The following NAA16 variants were observed in gnomAD, a reference collection of about 807,000 sequenced individuals.
NAA16 encodes the protein N-alpha-acetyltransferase 16, NatA auxiliary subunit, also known as NARG1-like protein.
A neutral mutation model predicts 110.3 loss-of-function variants in NAA16; 97 were observed. The ratio of observed to expected loss-of-function variants is 0.88; its 90% confidence interval spans 0.75 to 1.04. The LOEUF (loss-of-function observed/expected upper bound fraction) is 1.04. Among genes scored for constraint, NAA16 ranks in the 50% least tolerant of loss-of-function variants. The pLI, the probability that NAA16 is intolerant of heterozygous loss-of-function variation, is 0.00. For missense variants in NAA16, 1,017 were observed against 1,005.1 expected, an observed-to-expected ratio of 1.01 and a Z score of -0.16; for synonymous variants, 372 against 330.6, an observed-to-expected ratio of 1.13 and a Z score of -1.36.
At chr13:41,372,013 TTC>T (rs942555291) in intron 15 of NAA16, among the ~76,000 whole-genome samples, 188 bp from the exon 16 acceptor site, 1 of 152,206 alleles carries the variant, frequency 6.6e-6, no homozygotes, top group African/African-American at 2.4e-5. Context: ...AAAAAGCTAT[TTC>T]TGTTTTGAAA....
chr13:41,364,746 T>C (rs971825993), intron 13 of NAA16, among the ~76,000 whole-genome samples: 1 of 152,222 alleles, frequency 6.6e-6, no homozygotes, highest in African/African-American at 2.4e-5. Context: ...CTTTATCTTC[T>C]ATTGTATCTT....
intron 13 of NAA16, among the ~76,000 whole-genome samples, chr13:41,363,540 A>T (rs1409660309): frequency 6.6e-6 from 1 of 152,200 alleles, no homozygotes; most frequent in Non-Finnish European, 1.5e-5. Context: ...AGAATATGAT[A>T]AGTGGATCTT....
intron 11 of NAA16, 167 bp from the exon 12 acceptor site, chr13:41,358,643 T>C: frequency 2.1e-6 from 3 of 1,435,858 alleles, no homozygotes; most frequent in Non-Finnish European, 2.7e-6. Context: ...TAATTAGATG[T>C]GTAATCATTT....
chr13:41,357,863 A>G (rs770642954), intron 10 of NAA16, among the ~76,000 whole-genome samples: 1 of 152,134 alleles, frequency 6.6e-6, no homozygotes, highest in East Asian at 1.9e-4. Flanking sequence ...AACTTTGGGT[A>G]TCCCTGATTT....
Position 41,375,394 on chromosome 13 carries a change from T to C in NAA16, c.2398-11T>C, listed in dbSNP as rs2043409488. On this transcript the variant is annotated splice_polypyrimidine_tract_variant and intron_variant, in intron 19 of 19. Coordinates refer to ENST00000379406, the MANE Select transcript of NAA16 (RefSeq NM_024561.5). The stretch of plus-strand genomic sequence containing the variant: ...TTTTAAATAATTTGTGTTTTCCTTT[T>C]GTTTCACTAGACATTAATAAAGGTT... 2 of 1,587,726 alleles carry C rather than the reference T, an allele frequency of 1.3e-6. No individual in the cohort carries two copies. The highest frequency in any genetic ancestry group is 1.7e-6 in the Non-Finnish European group (2 of 1,162,634).
rs553261885 is a variant in NAA16 at position 41,320,850 on chromosome 13, A to T, written c.402+26A>T. 3 of 1,561,874 alleles carry T rather than the reference A, an allele frequency of 1.9e-6. No homozygotes were observed. The South Asian group carries it at 3.6e-5, about 19-fold the overall frequency. On this transcript the variant is annotated intron_variant, in intron 4 of 19. Transcript: ENST00000379406. ...GTAAGTACTTCATTCTTAAATGTACATGATTTTACAGTAGACAAAATTTAA... is the reference window on the plus strand; with the variant it reads ...GTAAGTACTTCATTCTTAAATGTACTTGATTTTACAGTAGACAAAATTTAA...
chr13:41,329,004 T>C (rs1196199466), intron 7 of NAA16, among the ~76,000 whole-genome samples, 161 bp downstream of exon 7: 1 of 152,030 alleles, frequency 6.6e-6, no homozygotes, highest in Non-Finnish European at 1.5e-5. Context: ...TGAATTCAAA[T>C]AGTTACACTT....
At chr13:41,351,777 TG>T (rs59247901) in intron 9 of NAA16, among the ~76,000 whole-genome samples, 144,247 of 152,272 alleles carry the variant, frequency 0.95, 68,392 homozygotes, top group South Asian at 0.99. Context: ...AAGAAAAATG[TG>T]GGGCCATAAA....
At chr13:41,325,115 G>C (rs572050343) in intron 5 of NAA16, among the ~76,000 whole-genome samples, 6 of 151,760 alleles carry the variant, frequency 4.0e-5, no homozygotes, top group Admixed American at 2.6e-4. Flanking sequence ...GTGCCACCAC[G>C]CCAGGCTAAT....
intron 4 of NAA16, 35 bp from the exon 5 acceptor site, chr13:41,323,021 A>G (rs1441016636): frequency 6.3e-7 from 1 of 1,588,242 alleles, no homozygotes; most frequent in Non-Finnish European, 8.6e-7. Flanking sequence ...ATAATGTTTT[A>G]GAGAATATTT....
Position 41,358,350 on chromosome 13 carries a change from T to C in NAA16, c.1134T>C (p.Tyr378=), listed in dbSNP as rs756581903. Residue 378 remains tyrosine, a synonymous_variant, in exon 11 of 20, where the codon TAT becomes TAC. Transcript: ENST00000379406. ...EPPTTLLWVQ[Y]FLAQHFDKLG... ...CGACAACACTACTCTGGGTTCAGTA[T>C]TTCCTGGCACAGCACTTTGATAAAC... 4.3e-5 allele frequency: 69 copies of C among 1,613,954 alleles called. No homozygotes were observed. The highest frequency in any genetic ancestry group is 1.6e-4 in the Middle Eastern group (1 of 6,082).
intron 10 of NAA16, among the ~76,000 whole-genome samples, chr13:41,358,056 C>T (rs375046089): frequency 1.3e-5 from 2 of 152,106 alleles, no homozygotes; most frequent in Non-Finnish European, 2.9e-5. Context: ...TATCTTTTCC[C>T]CAGCATTGTT....
rs2043235602 is a variant in NAA16, at chr13:41,367,720, A to G, written c.1753+68A>G. The stretch of plus-strand genomic sequence containing the variant: ...TTTCAGAATGCCATTAGCGTAAACA[A>G]TACCTAGAAAAATATTAATATATTG... On this transcript the variant is annotated intron_variant, in intron 14 of 19. Coordinates refer to ENST00000379406, the MANE Select transcript of NAA16 (RefSeq NM_024561.5). 12 of 991,278 alleles carry G rather than the reference A, an allele frequency of 1.2e-5. No homozygotes were observed. In the South Asian group the frequency reaches 1.6e-4, roughly 13 times the overall value. The allele number at this position is 991,278 out of a possible 1,614,324, so 61.4% of individuals were successfully genotyped here. A position where few individuals can be genotyped will look rare whatever the true frequency, so the allele number is the denominator to read the frequency against.
chr13:41,359,175 A>G (rs1365700963), intron 12 of NAA16, among the ~76,000 whole-genome samples: 2 of 152,200 alleles, frequency 1.3e-5, no homozygotes, highest in Non-Finnish European at 2.9e-5. Flanking sequence ...GGGGATGGTT[A>G]AAAAACAATA....
Position 41,320,794 on chromosome 13 carries a change from G to A in NAA16, c.372G>A (p.Gln124=). 1.9e-6 allele frequency: 3 copies of A among 1,611,094 alleles called. No homozygotes were observed. The highest frequency in any genetic ancestry group is 2.5e-6 in the Non-Finnish European group (3 of 1,179,240). Residue 124 remains glutamine, a synonymous_variant, in exon 4 of 20, where the codon CAG becomes CAA. Transcript: ENST00000379406. ...LQILRDLSLL[Q]IQMRDLEGYR... ...TTTTGAGGGATCTCTCACTGTTGCA[G>A]ATCCAAATGAGAGACCTTGAAGGTT...
chr13:41,326,731 T>C (rs1426090718), intron 6 of NAA16, among the ~76,000 whole-genome samples: 1 of 152,064 alleles, frequency 6.6e-6, no homozygotes, highest in Non-Finnish European at 1.5e-5. Context: ...AAAATAGACA[T>C]TTTCAGGACA....
chr13:41,320,675 G>GTA lies in NAA16; in HGVS notation c.257_258dup (p.Gly87MetfsTer15). On this transcript the variant is annotated frameshift_variant, in exon 4 of 20. Coordinates refer to ENST00000379406, the MANE Select transcript of NAA16 (RefSeq NM_024561.5). LOFTEE classifies it high-confidence loss of function. The stretch of plus-strand genomic sequence containing the variant: ...TTTCCTTAACTTAATAGGTTGGCAT[G>GTA]TATATGGACTCTTGCAGCGTTCTGA... 6.2e-7 allele frequency: 1 copy of GTA among 1,607,358 alleles called. No individual in the cohort carries two copies. Among genetic ancestry groups the GTA allele is most frequent in the Non-Finnish European group, 8.5e-7 (1 of 1,177,972 alleles).
At position 41,367,468 on chromosome 13, in the gene NAA16, C is replaced by G. The variant is rs770655052; in HGVS notation, c.1569C>G (p.Phe523Leu). 2 of 1,599,468 alleles carry G rather than the reference C, an allele frequency of 1.3e-6. No homozygotes were observed. The highest frequency in any genetic ancestry group is 1.7e-6 in the Non-Finnish European group (2 of 1,171,512). Residue 523 changes from phenylalanine to leucine, a missense_variant, in exon 14 of 20, where the codon TTC (phenylalanine) becomes TTG (leucine). Transcript: ENST00000379406. Reference protein sequence around the residue: ...RHFFEITDDQFDFHTYCMRKM... With the variant: ...RHFFEITDDQLDFHTYCMRKM... Reference sequence around the variant, plus strand: ...TTTTTGAGATAACTGATGACCAATTCGACTTCCATACATACTGCATGAGAA... The same window carrying G: ...TTTTTGAGATAACTGATGACCAATTGGACTTCCATACATACTGCATGAGAA...
rs1413924426 is a variant in NAA16, at chr13:41,367,529, T to A, written c.1630T>A (p.Leu544Ile). ...TLRAYVDLLR[L>I]EDILRRHAFY... ...TCGTGCCTATGTTGACCTTTTGAGATTAGAAGATATACTCAGAAGACATGC... is the reference window on the plus strand; with the variant it reads ...TCGTGCCTATGTTGACCTTTTGAGAATAGAAGATATACTCAGAAGACATGC... Residue 544 changes from leucine to isoleucine, a missense_variant, in exon 14 of 20, where the codon TTA becomes ATA. Transcript: ENST00000379406. 1 of 1,612,904 alleles carries A rather than the reference T, an allele frequency of 6.2e-7. No individual in the cohort carries two copies. Among genetic ancestry groups the A allele is most frequent in the East Asian group, 2.2e-5 (1 of 44,806 alleles).
Sources: gnomAD v4.1 joint callset for allele counts (sites outside exome capture counted in the v4.1 genomes callset) on GRCh38, gnomAD v4.1.1 for gene constraint, MANE v1.5 for transcripts, NCBI Gene and HGNC (gene_info 2026-07-23, HGNC 2026-07-21) for gene names.